Variants in LIN7C observed in about 807,000 individuals in gnomAD.
The protein encoded by LIN7C is protein lin-7 homolog C.
A neutral mutation model predicts 24.7 loss-of-function variants in LIN7C; 17 were observed. That is an observed-to-expected ratio of 0.69 (90% CI 0.47 to 1.03). LIN7C has a LOEUF of 1.03. LIN7C is among the 50% of genes least tolerant of loss of function. LIN7C has a pLI of 0.00. For missense variants in LIN7C, 204 were observed against 239.0 expected, an observed-to-expected ratio of 0.85 and a Z score of 0.97; for synonymous variants, 90 against 83.4, an observed-to-expected ratio of 1.08 and a Z score of -0.43.
rs1410471559 is a variant in LIN7C, at chr11:27,497,152, T to C, written c.*1497A>G. On this transcript the variant is annotated 3_prime_UTR_variant, in exon 5 of 5. Transcript: ENST00000278193. ...AATAACAATGCTGATTGACTTTTATTTTGAAAAATCATTGAAAACTGGAAT... is the reference window on the plus strand; with the variant it reads ...AATAACAATGCTGATTGACTTTTATCTTGAAAAATCATTGAAAACTGGAAT... 6.6e-6 allele frequency: 1 copy of C among 152,604 alleles called. No individual in the cohort carries two copies. The highest frequency in any genetic ancestry group is 1.5e-5 in the Non-Finnish European group (1 of 67,986). The allele number at this position is 152,604 out of a possible 1,614,324, so 9.5% of individuals were successfully genotyped here. A position where few individuals can be genotyped will look rare whatever the true frequency, so the allele number is the denominator to read the frequency against.
chr11:27,505,780 T>C (rs74834486), intron 1 of LIN7C, among the ~76,000 whole-genome samples: 5 of 152,262 alleles, frequency 3.3e-5, no homozygotes, highest in African/African-American at 9.6e-5. Flanking sequence ...CATTTTTTTT[T>C]ACCACCAGTA....
chr11:27,502,219 A>C (rs180971956), intron 1 of LIN7C, among the ~76,000 whole-genome samples: 2 of 152,214 alleles, frequency 1.3e-5, no homozygotes, highest in Non-Finnish European at 2.9e-5. Context: ...ACAAAATACC[A>C]AATGTCATCG....
At position 27,498,499 on chromosome 11, in the gene LIN7C, T is replaced by C; in HGVS notation, c.*150A>G. The C allele has an allele frequency of 1.4e-6, 1 of 727,658 alleles. No homozygotes were observed. Among genetic ancestry groups the C allele is most frequent in the East Asian group, 2.7e-5 (1 of 37,436 alleles). The allele number at this position is 727,658 out of a possible 1,614,324, so 45.1% of individuals were successfully genotyped here. ...TATGCATCTCTGGAACCATAAATGA[T>C]GTTAAAATAGGCATTTATAAAATGA... is the stretch of plus-strand genomic sequence containing the variant. On this transcript the variant is annotated 3_prime_UTR_variant, in exon 5 of 5. Coordinates refer to ENST00000278193, the MANE Select transcript of LIN7C (RefSeq NM_018362.4).
At chr11:27,499,083 G>C (rs568268865) in intron 4 of LIN7C, among the ~76,000 whole-genome samples, 33 of 152,134 alleles carry the variant, frequency 2.2e-4, no homozygotes, top group African/African-American at 7.7e-4. Context: ...CAAGCAATTG[G>C]CATTTTATAA....
In LIN7C at chr11:27,497,233, T is replaced by C. The variant is rs1226814432; in HGVS notation, c.*1416A>G. 2 of 152,592 alleles carry C rather than the reference T, an allele frequency of 1.3e-5. No homozygotes were observed. The highest frequency in any genetic ancestry group is 2.9e-5 in the Non-Finnish European group (2 of 67,972). The allele number at this position is 152,592 out of a possible 1,614,324, so 9.5% of individuals were successfully genotyped here. A position where few individuals can be genotyped will look rare whatever the true frequency, so the allele number is the denominator to read the frequency against. On this transcript the variant is annotated 3_prime_UTR_variant, in exon 5 of 5. Coordinates refer to ENST00000278193, the MANE Select transcript of LIN7C (RefSeq NM_018362.4). Reference sequence around the variant, plus strand: ...ATGCAGAAAAAAGCATACAATTCTATTCTTCCTGAAGGAATGTTACAAAAT... The same window carrying C: ...ATGCAGAAAAAAGCATACAATTCTACTCTTCCTGAAGGAATGTTACAAAAT...
chr11:27,500,423 C>T (rs556259276), intron 3 of LIN7C, among the ~76,000 whole-genome samples: 1 of 152,170 alleles, frequency 6.6e-6, no homozygotes, highest in African/African-American at 2.4e-5. Context: ...GTACATATAG[C>T]CAATCTGAAT....
At chr11:27,499,633 T>C in intron 3 of LIN7C, 65 bp from the exon 4 acceptor site, 8 of 1,434,438 alleles carry the variant, frequency 5.6e-6, no homozygotes, top group Admixed American at 5.4e-5. Context: ...CATCTTTTGT[T>C]TCCCCCCGAG....
At chr11:27,505,493 C>T (rs969426482) in intron 1 of LIN7C, among the ~76,000 whole-genome samples, 1 of 152,310 alleles carries the variant, frequency 6.6e-6, no homozygotes, top group Non-Finnish European at 1.5e-5. Flanking sequence ...AGGCCTAACT[C>T]GGCAAGTCTT....
At chr11:27,505,798 T>C (rs1237882311) in intron 1 of LIN7C, among the ~76,000 whole-genome samples, 2 of 152,230 alleles carry the variant, frequency 1.3e-5, no homozygotes, top group Admixed American at 1.3e-4. Flanking sequence ...GTACTCAAAA[T>C]GTTTATTTGT....
intron 1 of LIN7C, among the ~76,000 whole-genome samples, chr11:27,506,129 CG>C (rs1485246138): frequency 6.6e-6 from 1 of 152,220 alleles, no homozygotes; most frequent in Non-Finnish European, 1.5e-5. Context: ...TACCACTATT[CG>C]GCTTACTTAC....
chr11:27,502,054 T>C, intron 1 of LIN7C, 134 bp from the exon 2 acceptor site: 1 of 605,850 alleles, frequency 1.7e-6, no homozygotes. Context: ...AGCATTGAAT[T>C]TGCACATTTG....
In LIN7C at chr11:27,497,969, T is replaced by C. The variant is rs761865560; in HGVS notation, c.*680A>G. The C allele has an allele frequency of 3.9e-5, 6 of 152,174 alleles. No homozygotes were observed. Among genetic ancestry groups the C allele is most frequent in the Non-Finnish European group, 8.8e-5 (6 of 67,984 alleles). The allele number at this position is 152,174 out of a possible 1,614,324, so 9.4% of individuals were successfully genotyped here. On this transcript the variant is annotated 3_prime_UTR_variant, in exon 5 of 5. Transcript: ENST00000278193. ...TGCTCAAATATTAAGAATATGTATT[T>C]TAGCAATGATTGTTTCAGTGTTTAA...
chr11:27,498,836 T>C, intron 4 of LIN7C, 32 bp from the exon 5 acceptor site: 1 of 1,584,868 alleles, frequency 6.3e-7, no homozygotes, highest in Non-Finnish European at 8.6e-7. Context: ...AACCATACAC[T>C]AATATCTAAG....
intron 4 of LIN7C, among the ~76,000 whole-genome samples, 186 bp from the exon 5 acceptor site, chr11:27,498,990 T>C (rs1358101368): frequency 6.6e-6 from 1 of 152,204 alleles, no homozygotes; most frequent in Non-Finnish European, 1.5e-5. Context: ...TCTTACATCA[T>C]ATTCTGTTTA....
chr11:27,503,566 T>C (rs1411049924), intron 1 of LIN7C, among the ~76,000 whole-genome samples: 1 of 152,126 alleles, frequency 6.6e-6, no homozygotes, highest in Non-Finnish European at 1.5e-5. Flanking sequence ...CAGGCTGGAG[T>C]GCAGTGGCGC....
intron 1 of LIN7C, among the ~76,000 whole-genome samples, chr11:27,505,821 C>T (rs1305529634): frequency 1.3e-5 from 2 of 152,086 alleles, no homozygotes; most frequent in Non-Finnish European, 2.9e-5. Flanking sequence ...TTCTCAATTC[C>T]TATCAATGAT....
chr11:27,499,535 G>C lies in LIN7C; in HGVS notation c.262C>G (p.His88Asp). Reference sequence around the variant, plus strand: ...AGCTCAACAACTCGAGGATGAGAATGTCCTTCACTGGCAGCAAATGCAGCA... The same window carrying C: ...AGCTCAACAACTCGAGGATGAGAATCTCCTTCACTGGCAGCAAATGCAGCA... Reference protein sequence around the residue: ...TVAAFAASEGHSHPRVVELPK... With the variant: ...TVAAFAASEGDSHPRVVELPK... The change falls in exon 4 of 5, where the codon CAT (histidine) becomes GAT (aspartate). Residue 88 changes from histidine to aspartate, a missense_variant. His to Asp is a moderately conservative substitution (Grantham distance 81, BLOSUM62 -1). Around this residue, in one of 3 missense-constraint regions of LIN7C, gnomAD observed 126 missense variants for 117.8 expected, o/e 1.07. Transcript: ENST00000278193. 1 of 1,614,212 alleles carries C rather than the reference G, an allele frequency of 6.2e-7. No individual in the cohort carries two copies. Among genetic ancestry groups the C allele is most frequent in the African/African-American group, 1.3e-5 (1 of 75,072 alleles).
At position 27,506,584 on chromosome 11, in the gene LIN7C, G is replaced by A. The variant is rs936907412; in HGVS notation, c.37+132C>T. 7 of 968,676 alleles carry A rather than the reference G, an allele frequency of 7.2e-6. No individual in the cohort carries two copies. In the Admixed American group the frequency reaches 1.4e-4, roughly 19 times the overall value. 60.0% of individuals were successfully genotyped at this position (968,676 alleles called of 1,614,324 possible). A position where few individuals can be genotyped will look rare whatever the true frequency, so the allele number is the denominator to read the frequency against. ...CCTAGAGCCAGGCACAGAGACAACG[G>A]CGGCCTCTGGCGCCGGCACAAGGGA... On this transcript the variant is annotated intron_variant, in intron 1 of 4. Coordinates refer to ENST00000278193, the MANE Select transcript of LIN7C (RefSeq NM_018362.4).
chr11:27,497,046 T>A lies in LIN7C; in HGVS notation c.*1603A>T, dbSNP rs1185895971. ...GAAAATTTACAATTTAACAACATGATCCTATCAATAACAAGCACATTTTGT... is the reference window on the plus strand; with the variant it reads ...GAAAATTTACAATTTAACAACATGAACCTATCAATAACAAGCACATTTTGT... On this transcript the variant is annotated 3_prime_UTR_variant, in exon 5 of 5. Coordinates refer to ENST00000278193, the MANE Select transcript of LIN7C (RefSeq NM_018362.4). The A allele has an allele frequency of 2.6e-5, 4 of 152,558 alleles. No individual in the cohort carries two copies. Among genetic ancestry groups the A allele is most frequent in the African/African-American group, 9.7e-5 (4 of 41,450 alleles). 9.5% of individuals were successfully genotyped at this position (152,558 alleles called of 1,614,324 possible).
Sources: allele counts gnomAD v4.1 joint callset (sites outside exome capture counted in the v4.1 genomes callset), GRCh38; gene constraint gnomAD v4.1.1; regional missense constraint gnomAD v4.1.1; transcripts MANE v1.5; gene names NCBI Gene and HGNC (gene_info 2026-07-23, HGNC 2026-07-21).